TNKS2: variants seen among roughly 807,000 people sequenced by gnomAD.
TNKS2 encodes the protein poly [ADP-ribose] polymerase tankyrase-2.
TNKS2 carries 72 observed loss-of-function variants against 137.6 expected under a neutral mutation model. The observed-to-expected ratio is 0.52, with a 90% CI of 0.43 to 0.64. The LOEUF is 0.64. TNKS2 is among the 30% of genes least tolerant of loss of function. TNKS2 has a pLI of 0.00. For synonymous variants in TNKS2, 516 were observed against 512.1 expected, an observed-to-expected ratio of 1.01 and a Z score of -0.10; for missense variants, 1,049 against 1,410.2, an observed-to-expected ratio of 0.74 and a Z score of 4.10.
chr10:91,819,947 A>G lies in TNKS2; in HGVS notation c.642A>G (p.Pro214=), dbSNP rs1038960109. Residue 214 remains proline (P), a synonymous_variant, in exon 6 of 27, where the codon CCA becomes CCG. Transcript: ENST00000371627. ...CHASDGRKST[P]LHLAAGYNRV... is the part of the protein sequence containing the mutation. ...TTTGATTAATATTTCAGTCAACTCC[A>G]TTACATTTGGCAGCAGGATATAACA... 1.9e-6 allele frequency: 3 copies of G among 1,569,952 alleles called. No individual in the cohort carries two copies. The highest frequency in any genetic ancestry group is 2.3e-5 in the East Asian group (1 of 43,390).
intron 5 of TNKS2, 105 bp downstream of exon 5, chr10:91,819,662 G>A: frequency 1.1e-6 from 1 of 910,560 alleles, no homozygotes; most frequent in Non-Finnish European, 1.6e-6. Flanking sequence ...GAGTGCTGAT[G>A]TTTTAAGTGT....
At chr10:91,819,608 T>C (rs772870211) in intron 5 of TNKS2, 51 bp downstream of exon 5, 11 of 1,335,042 alleles carry the variant, frequency 8.2e-6, no homozygotes, top group Non-Finnish European at 1.1e-5. Context: ...AACATGAAGA[T>C]AAAGATGTGT....
chr10:91,816,588 A>G (rs1778195199), intron 2 of TNKS2, among the ~76,000 whole-genome samples: 2 of 152,360 alleles, frequency 1.3e-5, no homozygotes, highest in South Asian at 4.1e-4. Flanking sequence ...TGAAGAATAG[A>G]AAGATAATGA....
intron 25 of TNKS2, among the ~76,000 whole-genome samples, chr10:91,860,408 G>A (rs1175580743): frequency 6.6e-6 from 1 of 152,098 alleles, no homozygotes; most frequent in Non-Finnish European, 1.5e-5. Flanking sequence ...AGATTCTTAG[G>A]CTCCACCTTC....
At chr10:91,830,599 A>G (rs1845215634) in intron 9 of TNKS2, among the ~76,000 whole-genome samples, 1 of 152,220 alleles carries the variant, frequency 6.6e-6, no homozygotes, top group South Asian at 2.1e-4. Context: ...GCATGAACAC[A>G]ATGCTACTTG....
intron 2 of TNKS2, among the ~76,000 whole-genome samples, chr10:91,814,333 AGTGTTT>A (rs1748405731): frequency 6.6e-6 from 1 of 152,238 alleles, no homozygotes; most frequent in Non-Finnish European, 1.5e-5. Context: ...AGCTGTACAT[AGTGTTT>A]GTGTTTTAAG....
At position 91,845,114 on chromosome 10, in the gene TNKS2, G is replaced by A. The variant is rs1367117506; in HGVS notation, c.2169+86G>A. ...CAGCTCAAATGGAATGTAGTTTGATGTTCTCATTTTACAGAGAAGTAAGTG... is the reference window on the plus strand; with the variant it reads ...CAGCTCAAATGGAATGTAGTTTGATATTCTCATTTTACAGAGAAGTAAGTG... On this transcript the variant is annotated intron_variant, in intron 17 of 26. Coordinates refer to ENST00000371627, the MANE Select transcript of TNKS2 (RefSeq NM_025235.4). 5.8e-6 allele frequency: 5 copies of A among 867,326 alleles called. No individual in the cohort carries two copies. The Admixed American group carries it at 7.5e-5, about 13-fold the overall frequency. 53.7% of individuals were successfully genotyped at this position (867,326 alleles called of 1,614,324 possible).
intron 15 of TNKS2, 104 bp from the exon 16 acceptor site, chr10:91,842,068 T>G (rs1187233986): frequency 3.2e-6 from 2 of 632,538 alleles, no homozygotes; most frequent in African/African-American, 3.7e-5. Flanking sequence ...AGTCTCAATA[T>G]AAATTTAGTT....
In TNKS2 at chr10:91,855,082, G is replaced by T. The variant is rs777073440; in HGVS notation, c.2869G>T (p.Asp957Tyr). The T allele has an allele frequency of 6.8e-6, 11 of 1,612,110 alleles. No homozygotes were observed. Among genetic ancestry groups the T allele is most frequent in the Non-Finnish European group, 8.5e-6 (10 of 1,178,706 alleles). Residue 957 changes from aspartate (D) to tyrosine (Y), a missense_variant, in exon 22 of 27, where the codon GAT (aspartate) becomes TAT (tyrosine). By Grantham distance (160) the Asp-to-Tyr change is radical (BLOSUM62 -3). This residue lies in a region of TNKS2 where 208 missense variants were observed against 231.2 expected (regional missense o/e 0.90). Transcript: ENST00000371627. ...CTCTGGTAGTGGAACAATTCTTATA[G>T]ATCTGTCTCCTGATGATAAAGAGTT... Reference protein sequence around the residue: ...NTSGSGTILIDLSPDDKEFQS... With the variant: ...NTSGSGTILIYLSPDDKEFQS...
In TNKS2 at chr10:91,844,996, CTT is replaced by C; in HGVS notation, c.2138_2139del (p.Leu713HisfsTer5). ...TGTGAATGCCCAAGACAAAGGAGGA[CTT>C]ATTCCTTTACATAATGCAGCATCTT... ...ADVNAQDKGG[L>X]IPLHNAASYG... On this transcript the variant is annotated frameshift_variant, in exon 17 of 27. Coordinates refer to ENST00000371627, the MANE Select transcript of TNKS2 (RefSeq NM_025235.4). LOFTEE classifies it high-confidence loss of function. The C allele has an allele frequency of 3.1e-6, 5 of 1,612,214 alleles. No homozygotes were observed. Among genetic ancestry groups the C allele is most frequent in the Non-Finnish European group, 3.4e-6 (4 of 1,178,450 alleles).
intron 15 of TNKS2, 85 bp downstream of exon 15, chr10:91,841,533 A>G: frequency 9.2e-7 from 1 of 1,090,328 alleles, no homozygotes; most frequent in Non-Finnish European, 1.2e-6. Flanking sequence ...ATAAAGTTAA[A>G]CTAGTAAGCA....
chr10:91,807,060 A>G lies in TNKS2; in HGVS notation c.200-5923A>G, dbSNP rs1200137298. On this transcript the variant is annotated intron_variant, in intron 1 of 26. Coordinates refer to ENST00000371627, the MANE Select transcript of TNKS2 (RefSeq NM_025235.4). ...ATTAAAAAGAAAATTACAAAAAATG[A>G]CCTCTAAGCTTCTGAACAGTCCACT... is the stretch of plus-strand genomic sequence containing the variant. 4 of 1,228,006 alleles carry G rather than the reference A, an allele frequency of 3.3e-6. No homozygotes were observed. The African/African-American group carries it at 4.6e-5, about 14-fold the overall frequency. The allele number at this position is 1,228,006 out of a possible 1,614,324, so 76.1% of individuals were successfully genotyped here.
At position 91,825,548 on chromosome 10, in the gene TNKS2, G is replaced by A. The variant is rs184995242; in HGVS notation, c.796-1469G>A. 2.9e-3 allele frequency among the ~76,000 whole-genome samples: 435 copies of A among 152,296 alleles called. 3 individuals carry two copies. The highest frequency in any genetic ancestry group is 0.014 in the Middle Eastern group (4 of 294). On this transcript the variant is annotated intron_variant, in intron 7 of 26. Coordinates refer to ENST00000371627, the MANE Select transcript of TNKS2 (RefSeq NM_025235.4). ...AGGCAAATAGATGAAAGTTAAAAGTGCATATTTTAACTTAATATAGAAGAA... is the reference window on the plus strand; with the variant it reads ...AGGCAAATAGATGAAAGTTAAAAGTACATATTTTAACTTAATATAGAAGAA...
At chr10:91,844,886 A>G (rs1370069247) in intron 16 of TNKS2, 33 bp from the exon 17 acceptor site, 1 of 1,500,102 alleles carries the variant, frequency 6.7e-7, no homozygotes, top group Non-Finnish European at 9.2e-7. Flanking sequence ...AAGAAAAAAC[A>G]AGTAAAGTAA....
intron 7 of TNKS2, among the ~76,000 whole-genome samples, chr10:91,824,063 G>A (rs998620487): frequency 6.6e-6 from 1 of 152,140 alleles, no homozygotes; most frequent in Non-Finnish European, 1.5e-5. Flanking sequence ...ACAACTGAGT[G>A]GTACTTTCCT....
chr10:91,805,332 A>T (rs552616782), intron 1 of TNKS2, among the ~76,000 whole-genome samples: 1 of 152,298 alleles, frequency 6.6e-6, no homozygotes, highest in African/African-American at 2.4e-5. Context: ...ATGACTAGGG[A>T]ATCATGTTGA....
In TNKS2 at chr10:91,834,696, A is replaced by C. The variant is rs114402262; in HGVS notation, c.1447+672A>C. Among the ~76,000 whole-genome samples, 321 of 152,326 alleles carry C rather than the reference A, an allele frequency of 2.1e-3. 2 individuals are homozygous for C. The highest frequency in any genetic ancestry group is 7.6e-3 in the African/African-American group (317 of 41,574). Reference sequence around the variant, plus strand: ...GTTTTGAGAAACACTGCTTGAACAGATGAAAGCAGATTGATACAACCTCCT... The same window carrying C: ...GTTTTGAGAAACACTGCTTGAACAGCTGAAAGCAGATTGATACAACCTCCT... On this transcript the variant is annotated intron_variant, in intron 12 of 26. Coordinates refer to ENST00000371627, the MANE Select transcript of TNKS2 (RefSeq NM_025235.4).
intron 25 of TNKS2, among the ~76,000 whole-genome samples, chr10:91,859,956 G>T (rs7084829): frequency 0.063 from 9,574 of 152,132 alleles, 981 homozygotes; most frequent in African/African-American, 0.22. Context: ...CTTGAGTATT[G>T]TAGGACTCTG....
chr10:91,838,407 C>T (rs1238106928), intron 13 of TNKS2, among the ~76,000 whole-genome samples: 4 of 152,170 alleles, frequency 2.6e-5, no homozygotes, highest in African/African-American at 9.7e-5. Flanking sequence ...ATCACTGGGA[C>T]AAGAACATCT....
Sources: allele counts gnomAD v4.1 joint callset (sites outside exome capture counted in the v4.1 genomes callset), GRCh38; gene constraint gnomAD v4.1.1; regional missense constraint gnomAD v4.1.1; transcripts MANE v1.5; gene names NCBI Gene and HGNC (gene_info 2026-07-23, HGNC 2026-07-21).